The following TIAM1 variants were observed in gnomAD, a reference collection of about 807,000 sequenced individuals.
TIAM1 encodes TIAM Rac1 associated GEF 1, also known as rho guanine nucleotide exchange factor TIAM1.
In TIAM1, 65 loss-of-function variants were observed where a neutral mutation model predicts 163.5. That is an observed-to-expected ratio of 0.40 (90% CI 0.33 to 0.49). TIAM1 has a LOEUF of 0.49. Ranked by LOEUF, TIAM1 falls within the 20% of genes least tolerant of loss-of-function variation. The pLI is 0.77. For missense variants in TIAM1, 1,789 were observed against 2,044.7 expected, an observed-to-expected ratio of 0.87 and a Z score of 2.41; for synonymous variants, 833 against 810.1, an observed-to-expected ratio of 1.03 and a Z score of -0.48.
At chr21:31,208,738 T>A (rs1178330222) in intron 11 of TIAM1, among the ~76,000 whole-genome samples, 2 of 152,230 alleles carry the variant, frequency 1.3e-5, no homozygotes, top group Non-Finnish European at 2.9e-5. Flanking sequence ...CTGATTCATA[T>A]GAAGAGCCAT....
intron 20 of TIAM1, among the ~76,000 whole-genome samples, chr21:31,143,262 T>G (rs887853180): frequency 6.6e-6 from 1 of 152,058 alleles, no homozygotes; most frequent in African/African-American, 2.4e-5. Flanking sequence ...TGGATGACTT[T>G]CCCCCATTGG....
chr21:31,177,826 G>C (rs993026330), intron 15 of TIAM1, among the ~76,000 whole-genome samples: 6 of 152,180 alleles, frequency 3.9e-5, no homozygotes, highest in Non-Finnish European at 8.8e-5. Flanking sequence ...GAGTTTGTGA[G>C]ACTGTGGAGC....
At chr21:31,458,985 AG>A (rs1328311144) in intron 2 of TIAM1, among the ~76,000 whole-genome samples, 1 of 152,230 alleles carries the variant, frequency 6.6e-6, no homozygotes, top group African/African-American at 2.4e-5. Flanking sequence ...TGAGGAGGAC[AG>A]GAGGTGAGAG....
At chr21:31,330,858 G>A (rs1010356607) in intron 2 of TIAM1, among the ~76,000 whole-genome samples, 6 of 151,984 alleles carry the variant, frequency 3.9e-5, no homozygotes, top group Non-Finnish European at 2.9e-5. Context: ...ATTTGGCAAA[G>A]AATTCTAGTG....
chr21:31,359,603 C>T (rs2076369731), intron 2 of TIAM1, among the ~76,000 whole-genome samples: 1 of 152,086 alleles, frequency 6.6e-6, no homozygotes, highest in African/African-American at 2.4e-5. Context: ...GACCAGCCAA[C>T]ATAGTGAAAT....
At chr21:31,338,322 CCA>C (rs2075910659) in intron 2 of TIAM1, among the ~76,000 whole-genome samples, 1 of 152,172 alleles carries the variant, frequency 6.6e-6, no homozygotes. Context: ...TCTCTCAAGT[CCA>C]CAGTCTCCTA....
In TIAM1 at chr21:31,127,088, C is replaced by T. The variant is rs764438011; in HGVS notation, c.4110G>A (p.Glu1370=). ...ACCTGCAGCACAAGTGAAAGACCCTCTCCGGCCTCCCTTCAGACTCGGATT... is the reference window on the plus strand; with the variant it reads ...ACCTGCAGCACAAGTGAAAGACCCTTTCCGGCCTCCCTTCAGACTCGGATT... The part of the protein sequence containing the change: ...HVKSESEGRP[E]RVFHLCCSSP... The change falls in exon 26 of 28, where the codon GAG becomes GAA. Residue 1370 remains glutamate, a synonymous_variant. Transcript: ENST00000541036. The T allele has an allele frequency of 6.2e-7, 1 of 1,614,100 alleles. No homozygotes were observed. Among genetic ancestry groups the T allele is most frequent in the Non-Finnish European group, 8.5e-7 (1 of 1,179,942 alleles).
chr21:31,147,085 TCTG>T (rs994058898), intron 19 of TIAM1, 82 bp from the exon 20 acceptor site: 3 of 1,162,574 alleles, frequency 2.6e-6, no homozygotes, highest in African/African-American at 3.0e-5. Context: ...GGAGCTCACA[TCTG>T]CCTGGCCCAC....
At position 31,507,380 on chromosome 21, in the gene TIAM1, T is replaced by C. The variant is rs564012348; in HGVS notation, c.-421-43345A>G. ...CCACCATGCCCCGCTAATTTTTTTG[T>C]ATTCTTAGTAGAGATGGGGTTTCAC... On this transcript the variant is annotated intron_variant, in intron 1 of 28. Transcript: ENST00000286827. Among the ~76,000 whole-genome samples, 185 of 151,538 alleles carry C rather than the reference T, an allele frequency of 1.2e-3. 1 individual carries two copies. The highest frequency in any genetic ancestry group is 5.6e-4 in the Non-Finnish European group (38 of 67,864).
At chr21:31,324,036 C>A (rs2075405005) in intron 2 of TIAM1, among the ~76,000 whole-genome samples, 1 of 150,726 alleles carries the variant, frequency 6.6e-6, no homozygotes, top group South Asian at 2.1e-4. Context: ...CAGTGACTTC[C>A]TGGAATTAGC....
chr21:31,216,336 G>T (rs1478981135), intron 9 of TIAM1, among the ~76,000 whole-genome samples: 1 of 152,088 alleles, frequency 6.6e-6, no homozygotes, highest in Non-Finnish European at 1.5e-5. Context: ...CAAGTCAGTC[G>T]ATGACGTCCT....
intron 6 of TIAM1, among the ~76,000 whole-genome samples, chr21:31,233,180 C>T (rs145218348): frequency 1.8e-3 from 271 of 152,002 alleles, no homozygotes; most frequent in African/African-American, 6.0e-3. Context: ...TATGCCAAAT[C>T]TAGGAAACTA....
intron 16 of TIAM1, among the ~76,000 whole-genome samples, chr21:31,159,391 G>C (rs975336273): frequency 2.0e-5 from 3 of 152,162 alleles, no homozygotes; most frequent in Non-Finnish European, 4.4e-5. Flanking sequence ...AAGCCACCCA[G>C]CTGTTTAAGC....
intron 2 of TIAM1, among the ~76,000 whole-genome samples, chr21:31,331,133 G>A (rs1029938977): frequency 6.6e-6 from 1 of 152,066 alleles, no homozygotes; most frequent in African/African-American, 2.4e-5. Context: ...AAAATGCTGG[G>A]TTGAATGCAT....
At chr21:31,268,550 C>T (rs2072903952) in intron 3 of TIAM1, among the ~76,000 whole-genome samples, 1 of 152,162 alleles carries the variant, frequency 6.6e-6, no homozygotes, top group African/African-American at 2.4e-5. Flanking sequence ...ATACAGACAC[C>T]AGATGTTAAG....
chr21:31,208,710 G>C (rs975041014), intron 11 of TIAM1, among the ~76,000 whole-genome samples: 9 of 152,140 alleles, frequency 5.9e-5, no homozygotes, highest in African/African-American at 2.2e-4. Flanking sequence ...GCTAATTTGA[G>C]CTGAACTGTC....
intron 19 of TIAM1, among the ~76,000 whole-genome samples, chr21:31,151,590 C>T (rs2083373622): frequency 6.6e-6 from 1 of 152,032 alleles, no homozygotes; most frequent in East Asian, 1.9e-4. Context: ...AGAGAAAAAC[C>T]ACAAAAGGGC....
At position 31,228,077 on chromosome 21, in the gene TIAM1, A is replaced by AT. The variant is rs67520058; in HGVS notation, c.1585-2128dup. On this transcript the variant is annotated intron_variant, in intron 6 of 27. Transcript: ENST00000541036. ...GCCACCACGCCCAGCTAATTTTTGTATTTTTTTTTTTTTTTAGTAGAGATG... is the reference window on the plus strand; with the variant it reads ...GCCACCACGCCCAGCTAATTTTTGTATTTTTTTTTTTTTTTTAGTAGAGATG... Among the ~76,000 whole-genome samples the AT allele has an allele frequency of 5.1e-3, 677 of 133,088 alleles. 14 individuals are homozygous for AT. The highest frequency in any genetic ancestry group is 5.4e-3 in the Non-Finnish European group (329 of 60,450). The allele number at this position is 133,088 out of a possible 152,430, so 87.3% of individuals were successfully genotyped here.
intron 1 of TIAM1, among the ~76,000 whole-genome samples, chr21:31,492,152 A>G (rs1190590499): frequency 6.6e-6 from 1 of 152,246 alleles, no homozygotes; most frequent in Non-Finnish European, 1.5e-5. Context: ...ATGAATCTCA[A>G]GACCCCAAAA....
Sources: gnomAD v4.1 joint callset for allele counts (sites outside exome capture counted in the v4.1 genomes callset) on GRCh38, gnomAD v4.1.1 for gene constraint, MANE v1.5 for transcripts, NCBI Gene and HGNC (gene_info 2026-07-23, HGNC 2026-07-21) for gene names.